Variants in SP100 observed in about 807,000 individuals in gnomAD.
SP100 encodes the protein SP100 nuclear body protein, also known as nuclear autoantigen Sp-100.
Under a neutral mutation model 130.0 loss-of-function variants are expected in SP100, and 84 were observed. The observed-to-expected ratio is 0.65, with a 90% CI of 0.54 to 0.77. The LOEUF is 0.77. Ranked by LOEUF, SP100 falls within the 30% of genes least tolerant of loss-of-function variation. The pLI is 0.00. For missense variants in SP100, 978 were observed against 1,052.2 expected (o/e 0.93, Z 0.97); for synonymous variants, 331 against 351.7 (o/e 0.94, Z 0.66).
chr2:230,461,192 G>A (rs1250220058), intron 8 of SP100, 70 bp from the exon 9 acceptor site: 5 of 1,452,110 alleles, frequency 3.4e-6, no homozygotes, highest in Non-Finnish European at 4.8e-6. Flanking sequence ...GCAGAGAGGG[G>A]GAGTTATTAA....
At chr2:230,536,303 T>C (rs997554846) in intron 24 of SP100, among the ~76,000 whole-genome samples, 2 of 152,136 alleles carry the variant, frequency 1.3e-5, no homozygotes, top group Admixed American at 6.5e-5. Context: ...GCCAGAAAGA[T>C]TGACAACCAG....
intron 23 of SP100, chr2:230,508,669 T>A (rs895725370): frequency 6.6e-6 from 1 of 152,128 alleles, no homozygotes; most frequent in Non-Finnish European, 1.5e-5. Flanking sequence ...AAAATAAGCA[T>A]GAGTTTGAAA....
chr2:230,464,823 T>C (rs2064853173), intron 11 of SP100, among the ~76,000 whole-genome samples: 1 of 152,216 alleles, frequency 6.6e-6, no homozygotes, highest in Non-Finnish European at 1.5e-5. Flanking sequence ...CCAGGCGCAG[T>C]GGCTCACACC....
intron 23 of SP100, chr2:230,510,921 C>T: frequency 1.7e-6 from 1 of 598,024 alleles, no homozygotes; most frequent in Non-Finnish European, 3.0e-6. Context: ...CAGGAAATGG[C>T]ACTTGCATTG....
intron 24 of SP100, among the ~76,000 whole-genome samples, chr2:230,523,512 A>T (rs540689536): frequency 6.1e-4 from 93 of 152,132 alleles, no homozygotes; most frequent in African/African-American, 2.1e-3. Context: ...ATAAAAAATA[A>T]AAATAAATAA....
At chr2:230,506,773 A>T in intron 22 of SP100, 1 of 217,676 alleles carries the variant, frequency 4.6e-6, no homozygotes, top group Non-Finnish European at 8.8e-6. Context: ...GGGGGAGGTA[A>T]ATGTTAAATA....
chr2:230,543,215 G>A lies in SP100; in HGVS notation c.*269G>A, dbSNP rs548661404. On this transcript the variant is annotated 3_prime_UTR_variant, in exon 29 of 29. Transcript: ENST00000340126. The stretch of plus-strand genomic sequence containing the variant: ...CCACAGACAACATTATATGGAATGC[G>A]CAAAAGAAGCATTCCCCTTGAAAAC... 7 of 229,660 alleles carry A rather than the reference G, an allele frequency of 3.0e-5. No homozygotes were observed. The highest frequency in any genetic ancestry group is 6.0e-5 in the Non-Finnish European group (7 of 117,554). The allele number at this position is 229,660 out of a possible 1,614,324, so 14.2% of individuals were successfully genotyped here.
rs34684038 is a variant in SP100, at chr2:230,535,906, C to CAAAAAAAAAAAA, written c.2095-3343_2095-3332dup. ...TGGGTGACAGAGCAAGACTCCATCT[C>CAAAAAAAAAAAA]AAAAAAAAAAAAAAAAAAAAAAAAA... On this transcript the variant is annotated intron_variant, in intron 24 of 28. Transcript: ENST00000340126. 1.3e-3 allele frequency among the ~76,000 whole-genome samples: 62 copies of CAAAAAAAAAAAA among 47,606 alleles called. 3 individuals carry two copies. The highest frequency in any genetic ancestry group is 6.8e-3 in the African/African-American group (61 of 8,980). 31.2% of individuals were successfully genotyped at this position (47,606 alleles called of 152,430 possible).
In SP100 at chr2:230,534,380, T is replaced by C. The variant is rs1691836347; in HGVS notation, c.2095-4887T>C. ...GAGATTGCACCAGTGCATTCCAGCC[T>C]GGGTGACAGAGCGAGACTCCGTCTC... On this transcript the variant is annotated intron_variant, in intron 24 of 28. Transcript: ENST00000340126. 2.0e-5 allele frequency among the ~76,000 whole-genome samples: 3 copies of C among 152,344 alleles called. No individual in the cohort carries two copies. In the South Asian group the frequency reaches 6.2e-4, roughly 32 times the overall value.
intron 17 of SP100, among the ~76,000 whole-genome samples, chr2:230,476,863 T>C (rs537448315): frequency 6.6e-6 from 1 of 152,142 alleles, no homozygotes; most frequent in Non-Finnish European, 1.5e-5. Flanking sequence ...TTGTTTTGTT[T>C]TGTTGTGTTT....
At position 230,543,909 on chromosome 2, in the gene SP100, T is replaced by C. The variant is rs1692251991; in HGVS notation, c.*963T>C. 1 of 151,990 alleles carries C rather than the reference T, an allele frequency of 6.6e-6. No homozygotes were observed. The highest frequency in any genetic ancestry group is 1.5e-5 in the Non-Finnish European group (1 of 68,020). The allele number at this position is 151,990 out of a possible 1,614,324, so 9.4% of individuals were successfully genotyped here. A position where few individuals can be genotyped will look rare whatever the true frequency, so the allele number is the denominator to read the frequency against. On this transcript the variant is annotated 3_prime_UTR_variant, in exon 29 of 29. Coordinates refer to ENST00000340126, the MANE Select transcript of SP100 (RefSeq NM_001080391.2). ...CATCACGTTACCCCACTTCAAACTA[T>C]ATTACAGGGCTTCAGTAACCAAAAC...
intron 18 of SP100, among the ~76,000 whole-genome samples, chr2:230,494,879 G>A (rs528336948): frequency 2.0e-5 from 3 of 152,232 alleles, no homozygotes; most frequent in East Asian, 1.9e-4. Context: ...GCTGCAAAGC[G>A]AGGCTGAGAA....
chr2:230,544,421 G>T lies in SP100; in HGVS notation c.*1475G>T, dbSNP rs539703768. On this transcript the variant is annotated 3_prime_UTR_variant, in exon 29 of 29. Coordinates refer to ENST00000340126, the MANE Select transcript of SP100 (RefSeq NM_001080391.2). ...AAAGGTCTAATAGCCAGCTTCTATA[G>T]GGAACTTAAACAAATTTACAAGACA... is the stretch of plus-strand genomic sequence containing the variant. Among the ~76,000 whole-genome samples, 1 of 152,066 alleles carries T rather than the reference G, an allele frequency of 6.6e-6. No individual in the cohort carries two copies. Among genetic ancestry groups the T allele is most frequent in the Non-Finnish European group, 1.5e-5 (1 of 68,010 alleles).
chr2:230,484,250 T>C (rs1401380237), intron 17 of SP100, among the ~76,000 whole-genome samples: 1 of 152,212 alleles, frequency 6.6e-6, no homozygotes, highest in African/African-American at 2.4e-5. Context: ...GCTAAGAGCA[T>C]GCATAGGTGA....
intron 7 of SP100, 23 bp from the exon 8 acceptor site, chr2:230,450,149 G>C: frequency 6.4e-7 from 1 of 1,570,262 alleles, no homozygotes. Context: ...CTGGATCTCA[G>C]CTGTGATCTC....
chr2:230,473,487 C>A, intron 16 of SP100, 47 bp downstream of exon 16: 1 of 1,119,566 alleles, frequency 8.9e-7, no homozygotes, highest in Non-Finnish European at 1.4e-6. Context: ...CAGTGGATAT[C>A]ACAGACACTG....
At chr2:230,505,202 T>C (rs1689987282) in intron 21 of SP100, among the ~76,000 whole-genome samples, 1 of 152,108 alleles carries the variant, frequency 6.6e-6, no homozygotes, top group Non-Finnish European at 1.5e-5. Context: ...AACAATGACA[T>C]TTTCACACTT....
At chr2:230,459,418 C>A (rs2064463621) in intron 8 of SP100, among the ~76,000 whole-genome samples, 1 of 152,082 alleles carries the variant, frequency 6.6e-6, no homozygotes, top group Non-Finnish European at 1.5e-5. Context: ...TTACAATAAG[C>A]CTCTCCTCAG....
chr2:230,524,160 C>T (rs1691301563), intron 24 of SP100, among the ~76,000 whole-genome samples: 2 of 135,478 alleles, frequency 1.5e-5, no homozygotes, highest in African/African-American at 5.6e-5. Flanking sequence ...ATGGTGAAAC[C>T]CTGTCTATAC....
Sources: allele counts gnomAD v4.1 joint callset (sites outside exome capture counted in the v4.1 genomes callset), GRCh38; gene constraint gnomAD v4.1.1; transcripts MANE v1.5; gene names NCBI Gene and HGNC (gene_info 2026-07-23, HGNC 2026-07-21).